EPHA7: variants seen among roughly 807,000 people sequenced by gnomAD.
EPHA7 encodes EPH receptor A7.
Under a neutral mutation model 112.6 loss-of-function variants are expected in EPHA7, and 25 were observed. That is an observed-to-expected ratio of 0.22 (90% confidence interval 0.16 to 0.31). EPHA7 has a LOEUF of 0.31. EPHA7 is among the 10% of genes least tolerant of loss of function. The pLI, the probability that EPHA7 is intolerant of heterozygous loss-of-function variation, is 1.00. For synonymous variants in EPHA7, 437 were observed against 406.5 expected, an observed-to-expected ratio of 1.07 and a Z score of -0.90; for missense variants, 962 against 1,212.6, an observed-to-expected ratio of 0.79 and a Z score of 3.07.
At chr6:93,245,158 T>G (rs1158642488) in intron 16 of EPHA7, 140 bp downstream of exon 16, 2 of 758,378 alleles carry the variant, frequency 2.6e-6, no homozygotes, top group Non-Finnish European at 4.1e-6. Context: ...TGGTACGCAG[T>G]AAGAACTTGT....
rs376612256 is a variant in EPHA7 at position 93,243,391 on chromosome 6, A to T, written c.*35T>A. 12 of 1,497,360 alleles carry T rather than the reference A, an allele frequency of 8.0e-6. No individual in the cohort carries two copies. The South Asian group carries it at 1.2e-4, about 15-fold the overall frequency. 92.8% of individuals were successfully genotyped at this position (1,497,360 alleles called of 1,614,324 possible). The stretch of plus-strand genomic sequence containing the variant: ...CTGAAGGCCAGTACTGTTCTCTTGC[A>T]GTCTGTAATCTCCCTTAAAAGGGAG... On this transcript the variant is annotated 3_prime_UTR_variant, in exon 17 of 17. Coordinates refer to ENST00000369303, the MANE Select transcript of EPHA7 (RefSeq NM_004440.4).
intron 3 of EPHA7, among the ~76,000 whole-genome samples, chr6:93,378,703 T>G (rs950711836): frequency 3.9e-5 from 6 of 152,214 alleles, no homozygotes; most frequent in African/African-American, 1.4e-4. Flanking sequence ...TTAGACAGAT[T>G]ACAAAAGTGG....
intron 12 of EPHA7, among the ~76,000 whole-genome samples, chr6:93,256,239 G>T (rs1050902829): frequency 8.6e-5 from 13 of 151,964 alleles, no homozygotes; most frequent in African/African-American, 1.9e-4. Context: ...TAATCATTTA[G>T]TTATTTATAC....
intron 5 of EPHA7, among the ~76,000 whole-genome samples, chr6:93,279,618 G>A (rs1276566647): frequency 6.6e-6 from 1 of 152,054 alleles, no homozygotes; most frequent in African/African-American, 2.4e-5. Flanking sequence ...AATTTATTTG[G>A]TTATTATTAT....
At chr6:93,256,249 C>A (rs555475151) in intron 12 of EPHA7, among the ~76,000 whole-genome samples, 50 of 151,972 alleles carry the variant, frequency 3.3e-4, no homozygotes, top group African/African-American at 1.2e-3. Context: ...GTTATTTATA[C>A]TAATTTGATA....
At chr6:93,402,986 A>G (rs898571265) in intron 3 of EPHA7, among the ~76,000 whole-genome samples, 1 of 152,102 alleles carries the variant, frequency 6.6e-6, no homozygotes, top group African/African-American at 2.4e-5. Context: ...GTAAGAAAGC[A>G]TGAGAATGTG....
At chr6:93,297,986 C>T (rs531258961) in intron 5 of EPHA7, among the ~76,000 whole-genome samples, 3 of 152,226 alleles carry the variant, frequency 2.0e-5, no homozygotes, top group South Asian at 4.2e-4. Flanking sequence ...CAAACTTTAG[C>T]TTTAAATAAG....
intron 5 of EPHA7, among the ~76,000 whole-genome samples, chr6:93,291,352 T>G (rs2127836379): frequency 6.6e-6 from 1 of 152,336 alleles, no homozygotes; most frequent in African/African-American, 2.4e-5. Flanking sequence ...CTTTTACGGT[T>G]TTTGTTTTTT....
chr6:93,301,932 T>C (rs971581121), intron 5 of EPHA7, among the ~76,000 whole-genome samples: 2 of 152,136 alleles, frequency 1.3e-5, no homozygotes, highest in Non-Finnish European at 2.9e-5. Context: ...CAGCAAAATC[T>C]TCACCATCTT....
intron 3 of EPHA7, among the ~76,000 whole-genome samples, chr6:93,369,104 T>C (rs1202855592): frequency 6.6e-6 from 1 of 151,408 alleles, no homozygotes; most frequent in Non-Finnish European, 1.5e-5. Context: ...AGAAAAATGT[T>C]GTTGAGCTCA....
intron 3 of EPHA7, among the ~76,000 whole-genome samples, chr6:93,392,617 T>A (rs1466345347): frequency 1.3e-5 from 2 of 152,144 alleles, no homozygotes; most frequent in East Asian, 3.9e-4. Context: ...CTTATTTTTC[T>A]ACAAGTAATT....
At chr6:93,418,201 C>T (rs889047610) in intron 1 of EPHA7, among the ~76,000 whole-genome samples, 1 of 152,124 alleles carries the variant, frequency 6.6e-6, no homozygotes, top group Admixed American at 6.5e-5. Flanking sequence ...GATTGTGACA[C>T]TGCTCAAAAG....
At chr6:93,264,273 C>T (rs1770826055) in intron 8 of EPHA7, among the ~76,000 whole-genome samples, 1 of 151,276 alleles carries the variant, frequency 6.6e-6, no homozygotes, top group Non-Finnish European at 1.5e-5. Flanking sequence ...TAAATGGTGT[C>T]CACAAACATT....
chr6:93,279,536 T>C (rs993692792), intron 5 of EPHA7, among the ~76,000 whole-genome samples: 39 of 152,124 alleles, frequency 2.6e-4, no homozygotes, highest in African/African-American at 8.2e-4. Context: ...CAAAGTTACA[T>C]GGACTGAATA....
intron 6 of EPHA7, among the ~76,000 whole-genome samples, chr6:93,270,279 G>T (rs1771150519): frequency 6.6e-6 from 1 of 151,274 alleles, no homozygotes; most frequent in Non-Finnish European, 1.5e-5. Context: ...TTTTAAACAT[G>T]ATTTATTTCA....
chr6:93,381,231 T>C (rs558791889), intron 3 of EPHA7, among the ~76,000 whole-genome samples: 1 of 152,290 alleles, frequency 6.6e-6, no homozygotes, highest in African/African-American at 2.4e-5. Context: ...ATTGAGAAAC[T>C]TTAGTGCAAT....
At chr6:93,356,130 A>G (rs9342361) in intron 5 of EPHA7, among the ~76,000 whole-genome samples, 27,464 of 151,644 alleles carry the variant, frequency 0.18, 2,857 homozygotes, top group East Asian at 0.36. Flanking sequence ...TTTGACCACT[A>G]TTTTCACTCC....
chr6:93,355,039 C>T (rs80164169), intron 5 of EPHA7, among the ~76,000 whole-genome samples: 7,073 of 151,832 alleles, frequency 0.047, 250 homozygotes, highest in South Asian at 0.085. Flanking sequence ...CCACTCACTG[C>T]AAAGTTATGA....
At chr6:93,249,308 T>G (rs1770102651) in intron 14 of EPHA7, among the ~76,000 whole-genome samples, 1 of 152,142 alleles carries the variant, frequency 6.6e-6, no homozygotes, top group African/African-American at 2.4e-5. Context: ...TTTTAAGTGC[T>G]AAGAATTTCA....
Sources: allele counts gnomAD v4.1 joint callset (sites outside exome capture counted in the v4.1 genomes callset), GRCh38; gene constraint gnomAD v4.1.1; transcripts MANE v1.5; gene names NCBI Gene and HGNC (gene_info 2026-07-23, HGNC 2026-07-21).